ENOSF1: variants seen among roughly 807,000 people sequenced by gnomAD.
The protein encoded by ENOSF1 is enolase superfamily member 1.
ENOSF1 carries 73 observed loss-of-function variants against 68.2 expected under a neutral mutation model. The observed-to-expected ratio is 1.07, with a 90% confidence interval of 0.89 to 1.30. The LOEUF (loss-of-function observed/expected upper bound fraction) is 1.30. Ranked by LOEUF, ENOSF1 falls within the 50% of genes most tolerant of loss-of-function variation. The probability of loss-of-function intolerance (pLI) is 0.00; values close to 1 mark genes in which losing one functional copy is unlikely to be tolerated. For missense variants in ENOSF1, 589 were observed against 554.5 expected (o/e 1.06, Z -0.62); for synonymous variants, 223 against 210.4 (o/e 1.06, Z -0.52).
intron 2 of ENOSF1, among the ~76,000 whole-genome samples, chr18:702,569 T>C (rs554268289): frequency 6.6e-6 from 1 of 151,994 alleles, no homozygotes; most frequent in African/African-American, 2.4e-5. Flanking sequence ...AGCGAGACTC[T>C]GTCTCTCAAA....
At chr18:693,280 G>C in intron 5 of ENOSF1, 1 of 1,273,642 alleles carries the variant, frequency 7.9e-7, no homozygotes, top group Non-Finnish European at 1.0e-6. Context: ...GGCTACAATG[G>C]CCTGATCTTA....
chr18:682,927 A>C lies in ENOSF1; in HGVS notation c.876+319T>G, dbSNP rs372845521. 27 of 232,392 alleles carry C rather than the reference A, an allele frequency of 1.2e-4. 1 individual carries two copies. The highest frequency in any genetic ancestry group is 2.9e-4 in the East Asian group (3 of 10,286). The allele number at this position is 232,392 out of a possible 1,614,324, so 14.4% of individuals were successfully genotyped here. A position where few individuals can be genotyped will look rare whatever the true frequency, so the allele number is the denominator to read the frequency against. On this transcript the variant is annotated intron_variant, in intron 11 of 15. Transcript: ENST00000647584. The stretch of plus-strand genomic sequence containing the variant: ...CAAAAAAAACCACCAAAAAACAAAA[A>C]AAAAAAATGCTGTCACATTTCTGTA...
chr18:666,915 TGATGGAGATGGTGATGGTGATGGA>T (rs1567989417), downstream of ENOSF1, among the ~76,000 whole-genome samples: 71 of 59,544 alleles, frequency 1.2e-3, 16 homozygotes, highest in African/African-American at 2.6e-3. Context: ...ATGGTGATGG[TGATGGAGATGGTGATGGTGATGGA>T]GATGGTGATG....
chr18:684,532 AAAT>A (rs989768036), intron 10 of ENOSF1, among the ~76,000 whole-genome samples: 10 of 152,064 alleles, frequency 6.6e-5, no homozygotes, highest in African/African-American at 2.4e-4. Context: ...CTATCTCAAA[AAAT>A]AATAATAATA....
At chr18:679,769 C>G (rs548864306) in intron 11 of ENOSF1, among the ~76,000 whole-genome samples, 146 of 152,222 alleles carry the variant, frequency 9.6e-4, no homozygotes, top group African/African-American at 3.2e-3. Context: ...TCTGGGCGCT[C>G]CCATCCATCC....
Position 683,285 on chromosome 18 carries a change from G to T in ENOSF1, c.837C>A (p.Thr279=). 1.2e-6 allele frequency: 2 copies of T among 1,614,068 alleles called. No individual in the cohort carries two copies. Among genetic ancestry groups the T allele is most frequent in the Non-Finnish European group, 1.7e-6 (2 of 1,179,988 alleles). The change falls in exon 11 of 16, where the codon ACC becomes ACA. Residue 279 remains threonine (T), a synonymous_variant. Coordinates refer to ENST00000647584, the MANE Select transcript of ENOSF1 (RefSeq NM_017512.7). ...KFKPLWIEEP[T]SPDDILGHAT... Reference sequence around the variant, plus strand: ...CGTGCCCCAGAATGTCATCAGGGGAGGTTGGCTCCTCAATCCACAATGGCT... The same window carrying T: ...CGTGCCCCAGAATGTCATCAGGGGATGTTGGCTCCTCAATCCACAATGGCT...
intron 8 of ENOSF1, among the ~76,000 whole-genome samples, chr18:690,264 G>A (rs1194304156): frequency 2.0e-5 from 3 of 150,860 alleles, no homozygotes; most frequent in African/African-American, 5.0e-5. Context: ...AGGTGACAAC[G>A]TGGACTTGTG....
Position 673,613 on chromosome 18 carries a change from A to G in ENOSF1, c.*692T>C, listed in dbSNP as rs7230760. ...TATTCTGGTTTGGATGCTACTTAAA[A>G]GAGTATATTTTAGAAATAATAGTGA... On this transcript the variant is annotated 3_prime_UTR_variant, in exon 16 of 16. Transcript: ENST00000647584. 0.39 allele frequency: 69,319 copies of G among 176,312 alleles called. 14,978 individuals are homozygous for G. The highest frequency in any genetic ancestry group is 0.66 in the East Asian group (6,447 of 9,784). The allele number at this position is 176,312 out of a possible 1,614,324, so 10.9% of individuals were successfully genotyped here.
Position 697,280 on chromosome 18 carries a change from C to T in ENOSF1, c.269G>A (p.Gly90Asp), listed in dbSNP as rs773025478. Residue 90 changes from glycine to aspartate, a missense_variant, in exon 3 of 16, where the codon GGC becomes GAC. By Grantham distance (94) the Gly-to-Asp change is moderately conservative. Transcript: ENST00000647584. Reference sequence around the variant, plus strand: ...ATCACTTGTGAGCTGCCTATAGAAGCCTCTGAAGTCACCAACAATGTCCTT... The same window carrying T: ...ATCACTTGTGAGCTGCCTATAGAAGTCTCTGAAGTCACCAACAATGTCCTT... ...DLKDIVGDFR[G>D]FYRQLTSDGQ... 3.1e-6 allele frequency: 5 copies of T among 1,613,836 alleles called. No homozygotes were observed. The highest frequency in any genetic ancestry group is 4.2e-6 in the Non-Finnish European group (5 of 1,179,928).
At chr18:693,675 C>T (rs1414512637) in intron 5 of ENOSF1, 3 of 985,284 alleles carry the variant, frequency 3.0e-6, no homozygotes, top group Admixed American at 6.2e-5. Context: ...ACTGCTTCCC[C>T]TCATGCCACC....
At position 685,978 on chromosome 18, in the gene ENOSF1, C is replaced by G; in HGVS notation, c.684G>C (p.Gln228His). ...RFKVKVGADL[Q>H]DDMRRCQIIR... ...TGATTTGGCATCTTCGCATGTCATC[C>G]TGGAGATCAGCACCCACCTTTACTT... Residue 228 changes from glutamine (Q) to histidine (H), a missense_variant, in exon 10 of 16, where the codon CAG (glutamine) becomes CAC (histidine). Transcript: ENST00000647584. The G allele has an allele frequency of 1.9e-6, 3 of 1,614,138 alleles. No individual in the cohort carries two copies. Among genetic ancestry groups the G allele is most frequent in the Non-Finnish European group, 2.5e-6 (3 of 1,180,024 alleles).
At chr18:667,900 T>C (rs147676914), downstream of ENOSF1, 27 of 152,142 alleles carry the variant, frequency 1.8e-4, no homozygotes, top group East Asian at 5.2e-3. Flanking sequence ...ATTATGGTTT[T>C]AGTTTACAGT....
chr18:667,515 GGT>G (rs1216908741), downstream of ENOSF1, among the ~76,000 whole-genome samples: 4 of 76,464 alleles, frequency 5.2e-5, no homozygotes, highest in Admixed American at 1.1e-4. Flanking sequence ...TGATGGTGAT[GGT>G]GATGGTGATG....
intron 2 of ENOSF1, among the ~76,000 whole-genome samples, chr18:703,968 A>G (rs1382837455): frequency 2.0e-5 from 3 of 152,254 alleles, no homozygotes; most frequent in Admixed American, 1.3e-4. Flanking sequence ...CTTTCGACAT[A>G]GGACGTGCCT....
At chr18:701,353 T>C (rs1301185391) in intron 2 of ENOSF1, among the ~76,000 whole-genome samples, 1 of 151,980 alleles carries the variant, frequency 6.6e-6, no homozygotes, top group African/African-American at 2.4e-5. Context: ...AGAATGTTGA[T>C]AATGAAGGAG....
At chr18:693,424 T>A in intron 5 of ENOSF1, 1 of 1,137,914 alleles carries the variant, frequency 8.8e-7, no homozygotes, top group Non-Finnish European at 1.1e-6. Context: ...CAAGCCATCC[T>A]CCAGCCTTCC....
chr18:676,623 C>A (rs374219748), intron 14 of ENOSF1, among the ~76,000 whole-genome samples: 56 of 152,316 alleles, frequency 3.7e-4, no homozygotes, highest in African/African-American at 1.3e-3. Flanking sequence ...ATTACCCAGT[C>A]TCAGGTATTT....
At chr18:682,591 C>T (rs903721318) in intron 11 of ENOSF1, among the ~76,000 whole-genome samples, 4 of 151,800 alleles carry the variant, frequency 2.6e-5, no homozygotes, top group Non-Finnish European at 5.9e-5. Flanking sequence ...AACACAAGGC[C>T]GGGCGCGGTG....
chr18:708,929 CAAG>C (rs2079219932), intron 1 of ENOSF1, among the ~76,000 whole-genome samples: 1 of 152,058 alleles, frequency 6.6e-6, no homozygotes, highest in Non-Finnish European at 1.5e-5. Context: ...TTCTGGGTTC[CAAG>C]AAGAGGAAGC....
Sources: gnomAD v4.1 joint callset for allele counts (sites outside exome capture counted in the v4.1 genomes callset) on GRCh38, gnomAD v4.1.1 for gene constraint, MANE v1.5 for transcripts, NCBI Gene and HGNC (gene_info 2026-07-23, HGNC 2026-07-21) for gene names.